Variants in CDH11 observed in about 807,000 individuals in gnomAD.
The protein encoded by CDH11 is cadherin-11.
CDH11 carries 11 observed loss-of-function variants against 67.8 expected under a neutral mutation model. That is an observed-to-expected ratio of 0.16 (90% CI 0.10 to 0.27). The LOEUF is 0.27. Ranked by LOEUF, CDH11 falls within the 10% of genes least tolerant of loss-of-function variation. The pLI is 1.00. For synonymous variants in CDH11, 419 were observed against 400.0 expected, an observed-to-expected ratio of 1.05 and a Z score of -0.57; for missense variants, 847 against 1,031.2, an observed-to-expected ratio of 0.82 and a Z score of 2.45.
rs74395001 is a variant in CDH11, at chr16:65,008,968, G to A, written c.-172-3927C>T. ...CAAATCTTCACAAAAACCCTAAAAC[G>A]TAGCATTATTGCTATTCCCATTTTA... On this transcript the variant is annotated intron_variant, in intron 2 of 12. Transcript: ENST00000268603. Among the ~76,000 whole-genome samples the A allele has an allele frequency of 4.2e-3, 636 of 152,124 alleles. 6 individuals are homozygous for A. The highest frequency in any genetic ancestry group is 6.9e-3 in the Non-Finnish European group (467 of 68,008).
intron 1 of CDH11, among the ~76,000 whole-genome samples, chr16:65,062,771 C>A (rs1397220546): frequency 1.3e-5 from 2 of 152,166 alleles, no homozygotes; most frequent in African/African-American, 4.8e-5. Flanking sequence ...TTCAAAAGAG[C>A]TTTCAAACCA....
intron 2 of CDH11, among the ~76,000 whole-genome samples, chr16:65,006,419 G>T (rs2073055788): frequency 6.6e-6 from 1 of 152,198 alleles, no homozygotes; most frequent in Non-Finnish European, 1.5e-5. Context: ...TCTTGGCATA[G>T]TGGAAGGTAC....
chr16:65,096,978 C>G (rs1472308025), intron 1 of CDH11, among the ~76,000 whole-genome samples: 1 of 151,922 alleles, frequency 6.6e-6, no homozygotes, highest in African/African-American at 2.4e-5. Context: ...TTGACAAGTT[C>G]TTGGCAAAAG....
intron 2 of CDH11, among the ~76,000 whole-genome samples, chr16:65,013,611 T>C (rs1205835659): frequency 6.6e-6 from 1 of 151,852 alleles, no homozygotes; most frequent in East Asian, 1.9e-4. Context: ...GATCACAGGG[T>C]CAGGAGTTTG....
intron 2 of CDH11, among the ~76,000 whole-genome samples, chr16:65,051,000 GATC>G (rs1394211847): frequency 3.9e-5 from 6 of 152,148 alleles, no homozygotes; most frequent in African/African-American, 1.4e-4. Context: ...GAAATGAGAT[GATC>G]ATCATTCACA....
At chr16:64,977,794 G>A (rs1298143605) in intron 8 of CDH11, among the ~76,000 whole-genome samples, 1 of 152,146 alleles carries the variant, frequency 6.6e-6, no homozygotes, top group African/African-American at 2.4e-5. Context: ...CAATTCTAGA[G>A]CAGTCATAGC....
chr16:65,097,803 C>G (rs1427584021), intron 1 of CDH11, among the ~76,000 whole-genome samples: 1 of 152,114 alleles, frequency 6.6e-6, no homozygotes, highest in Non-Finnish European at 1.5e-5. Flanking sequence ...TTCCAGTCCA[C>G]TACTGGGGAC....
At chr16:64,996,745 C>T (rs1308578801) in intron 4 of CDH11, among the ~76,000 whole-genome samples, 2 of 152,128 alleles carry the variant, frequency 1.3e-5, no homozygotes, top group Non-Finnish European at 2.9e-5. Flanking sequence ...TGCATCAACA[C>T]GGATGCAGCT....
chr16:65,009,283 T>C (rs2073128014), intron 2 of CDH11, among the ~76,000 whole-genome samples: 1 of 152,130 alleles, frequency 6.6e-6, no homozygotes, highest in Non-Finnish European at 1.5e-5. Context: ...TTTATATCAA[T>C]GACCAAAGTG....
rs2074154218 is a variant in CDH11 at position 65,056,986 on chromosome 16, G to C, written c.-297-3058C>G. On this transcript the variant is annotated intron_variant, in intron 1 of 12. Coordinates refer to ENST00000268603, the MANE Select transcript of CDH11 (RefSeq NM_001797.4). ...TGAATTCTAATCACTGCAAACATTT[G>C]AGAAAGAGGGACTGTGGATTCTGTG... Among the ~76,000 whole-genome samples the C allele has an allele frequency of 2.0e-5, 3 of 152,080 alleles. No individual in the cohort carries two copies. The South Asian group carries it at 6.2e-4, about 31-fold the overall frequency.
At chr16:65,054,776 A>G (rs766607551) in intron 1 of CDH11, among the ~76,000 whole-genome samples, 6 of 152,190 alleles carry the variant, frequency 3.9e-5, no homozygotes, top group Non-Finnish European at 7.4e-5. Context: ...CTTCATCTCT[A>G]GGCTTCTACC....
At chr16:64,991,525 T>C (rs1597062944) in intron 6 of CDH11, 1 of 448,030 alleles carries the variant, frequency 2.2e-6, no homozygotes, top group Non-Finnish European at 4.1e-6. Context: ...GCAAAAACGA[T>C]ATTTTGTTTC....
At chr16:64,974,233 T>C (rs2072098441) in intron 8 of CDH11, among the ~76,000 whole-genome samples, 1 of 152,034 alleles carries the variant, frequency 6.6e-6, no homozygotes, top group Non-Finnish European at 1.5e-5. Flanking sequence ...AACTCCAAAA[T>C]AGAAAAGAAC....
intron 2 of CDH11, among the ~76,000 whole-genome samples, chr16:65,049,497 G>A (rs184770929): frequency 2.0e-5 from 3 of 152,170 alleles, no homozygotes; most frequent in African/African-American, 4.8e-5. Flanking sequence ...TCTTGGTGAC[G>A]TCAAACAAGA....
chr16:64,982,552 T>TA, intron 7 of CDH11: 1 of 450,620 alleles, frequency 2.2e-6, no homozygotes, highest in South Asian at 3.5e-5. Context: ...AAATGAAACT[T>TA]ATTCTATATA....
intron 2 of CDH11, among the ~76,000 whole-genome samples, chr16:65,025,543 A>G (rs1464294053): frequency 1.3e-5 from 2 of 152,092 alleles, no homozygotes; most frequent in African/African-American, 4.8e-5. Context: ...ATGTTTCACC[A>G]TATTGGCCAG....
At chr16:65,098,011 A>C (rs2074928860) in intron 1 of CDH11, among the ~76,000 whole-genome samples, 1 of 152,208 alleles carries the variant, frequency 6.6e-6, no homozygotes. Context: ...TTGGAGTAAC[A>C]CAAGGATGGC....
intron 1 of CDH11, among the ~76,000 whole-genome samples, chr16:65,063,296 G>C (rs1477597820): frequency 6.6e-6 from 1 of 151,964 alleles, no homozygotes; most frequent in East Asian, 1.9e-4. Flanking sequence ...TCTTTGGATG[G>C]TTACTTTTAC....
At chr16:65,061,124 A>G (rs888154113) in intron 1 of CDH11, among the ~76,000 whole-genome samples, 1 of 152,186 alleles carries the variant, frequency 6.6e-6, no homozygotes, top group African/African-American at 2.4e-5. Flanking sequence ...TTCTCCCACA[A>G]TTAGAGATCT....
Sources: gnomAD v4.1 joint callset for allele counts (sites outside exome capture counted in the v4.1 genomes callset) on GRCh38, gnomAD v4.1.1 for gene constraint, MANE v1.5 for transcripts, NCBI Gene and HGNC (gene_info 2026-07-23, HGNC 2026-07-21) for gene names.